ERC2: variants seen among roughly 807,000 people sequenced by gnomAD.
ERC2 encodes ERC protein 2.
Under a neutral mutation model 114.8 loss-of-function variants are expected in ERC2, and 42 were observed. The observed-to-expected ratio is 0.37, with a 90% confidence interval of 0.29 to 0.47. ERC2 has a LOEUF of 0.47. Among genes scored for constraint, ERC2 ranks in the 20% least tolerant of loss-of-function variants. ERC2 has a pLI of 0.99. For missense variants in ERC2, 939 were observed against 1,150.7 expected (o/e 0.82, Z 2.66); for synonymous variants, 454 against 425.5 (o/e 1.07, Z -0.82).
chr3:55,610,084 A>C (rs34386257), intron 17 of ERC2, among the ~76,000 whole-genome samples: 3 of 149,586 alleles, frequency 2.0e-5, no homozygotes, highest in African/African-American at 5.0e-5. Flanking sequence ...AAAAAAAAAA[A>C]CAAGAATTCC....
At chr3:55,818,187 T>G (rs1380634988) in intron 14 of ERC2, among the ~76,000 whole-genome samples, 4 of 152,128 alleles carry the variant, frequency 2.6e-5, no homozygotes, top group Non-Finnish European at 5.9e-5. Flanking sequence ...TACATTATGG[T>G]GACATTTATG....
At position 55,767,411 on chromosome 3, in the gene ERC2, G is replaced by A. The variant is rs377276243; in HGVS notation, c.2565-32493C>T. 7.2e-5 allele frequency among the ~76,000 whole-genome samples: 11 copies of A among 152,280 alleles called. No homozygotes were observed. The South Asian group carries it at 1.0e-3, about 14-fold the overall frequency. ...GCCACCTATTCAGTTTCCACTGGCC[G>A]TCTTAACTGTGGGCCCTTTGCTTTC... is the stretch of plus-strand genomic sequence containing the variant. On this transcript the variant is annotated intron_variant, in intron 14 of 17. Coordinates refer to ENST00000288221, the MANE Select transcript of ERC2 (RefSeq NM_015576.3).
chr3:55,871,855 C>T (rs566783828), intron 14 of ERC2, among the ~76,000 whole-genome samples: 1 of 152,174 alleles, frequency 6.6e-6, no homozygotes, highest in African/African-American at 2.4e-5. Flanking sequence ...TATTTGGGTG[C>T]CAGAGGGTTT....
At chr3:55,812,671 CAG>C (rs959315772) in intron 14 of ERC2, among the ~76,000 whole-genome samples, 3 of 152,182 alleles carry the variant, frequency 2.0e-5, no homozygotes, top group African/African-American at 7.2e-5. Flanking sequence ...ATTCCAAGCA[CAG>C]AGAGTTTGAC....
chr3:56,098,328 T>C (rs2149798578), intron 6 of ERC2, among the ~76,000 whole-genome samples: 1 of 152,310 alleles, frequency 6.6e-6, no homozygotes, highest in Admixed American at 6.5e-5. Flanking sequence ...GTGGTCTCAA[T>C]TTCTACTGTA....
chr3:55,818,831 T>C (rs1042414325), intron 14 of ERC2, among the ~76,000 whole-genome samples: 9 of 152,266 alleles, frequency 5.9e-5, no homozygotes, highest in Non-Finnish European at 1.3e-4. Flanking sequence ...AAACTTCTAA[T>C]GGATTCAGAG....
chr3:56,031,790 AC>A (rs2074393385), intron 7 of ERC2, among the ~76,000 whole-genome samples: 1 of 152,216 alleles, frequency 6.6e-6, no homozygotes, highest in Non-Finnish European at 1.5e-5. Flanking sequence ...ATACACAAAA[AC>A]AAGAAAAAAC....
At chr3:56,070,947 A>G (rs2076708464) in intron 7 of ERC2, among the ~76,000 whole-genome samples, 1 of 152,126 alleles carries the variant, frequency 6.6e-6, no homozygotes, top group Non-Finnish European at 1.5e-5. Flanking sequence ...TTTAGCCATT[A>G]TCTTTTCCAG....
chr3:56,098,569 C>T (rs1166260013), intron 6 of ERC2, among the ~76,000 whole-genome samples: 1 of 152,148 alleles, frequency 6.6e-6, no homozygotes, highest in Non-Finnish European at 1.5e-5. Flanking sequence ...TGAGACTGGT[C>T]ATTGGAAATG....
chr3:55,513,431 TTTACACCAG>T, intron 17 of ERC2, among the ~76,000 whole-genome samples: 1 of 152,190 alleles, frequency 6.6e-6, no homozygotes, highest in Non-Finnish European at 1.5e-5. Flanking sequence ...TCTAACATGA[TTTACACCAG>T]CTCTTTATCT....
intron 6 of ERC2, among the ~76,000 whole-genome samples, chr3:56,103,950 G>A (rs144177735): frequency 1.1e-3 from 169 of 152,298 alleles, no homozygotes; most frequent in African/African-American, 3.9e-3. Flanking sequence ...AGAAGGAATA[G>A]TTGGTAGGAA....
At chr3:55,761,693 T>G (rs1244615742) in intron 14 of ERC2, among the ~76,000 whole-genome samples, 2 of 152,082 alleles carry the variant, frequency 1.3e-5, no homozygotes, top group African/African-American at 4.8e-5. Flanking sequence ...GATTGGATCA[T>G]GAGGGACACA....
chr3:55,805,331 C>G (rs1319561092), intron 14 of ERC2, among the ~76,000 whole-genome samples: 1 of 151,976 alleles, frequency 6.6e-6, no homozygotes, highest in Non-Finnish European at 1.5e-5. Flanking sequence ...GTTTCATTTA[C>G]TGCTCTATCT....
intron 12 of ERC2, among the ~76,000 whole-genome samples, chr3:55,980,187 G>A (rs778841464): frequency 6.7e-6 from 1 of 150,178 alleles, no homozygotes; most frequent in Non-Finnish European, 1.5e-5. Flanking sequence ...TCTGGGTTCT[G>A]TTTTATTTTT....
intron 2 of ERC2, among the ~76,000 whole-genome samples, chr3:56,359,702 G>A (rs1369884403): frequency 1.3e-5 from 2 of 152,226 alleles, no homozygotes; most frequent in African/African-American, 4.8e-5. Context: ...GAAGCATGGT[G>A]CCAGCATCTG....
intron 13 of ERC2, among the ~76,000 whole-genome samples, chr3:55,935,121 CAT>C (rs2066356218): frequency 6.6e-6 from 1 of 152,164 alleles, no homozygotes; most frequent in South Asian, 2.1e-4. Flanking sequence ...TTTATAGCCA[CAT>C]GTTTTTTAGA....
intron 14 of ERC2, among the ~76,000 whole-genome samples, chr3:55,757,672 G>A (rs2067147346): frequency 6.6e-6 from 1 of 152,072 alleles, no homozygotes; most frequent in African/African-American, 2.4e-5. Context: ...CACATGGTAA[G>A]CATTCAGTAA....
chr3:56,085,120 G>A (rs1486263723), intron 6 of ERC2, among the ~76,000 whole-genome samples: 2 of 152,138 alleles, frequency 1.3e-5, no homozygotes, highest in Middle Eastern at 3.2e-3. Flanking sequence ...GCAGGAATCC[G>A]TTTTTGGTAG....
At chr3:55,983,741 C>G (rs540326446) in intron 12 of ERC2, among the ~76,000 whole-genome samples, 1 of 152,090 alleles carries the variant, frequency 6.6e-6, no homozygotes, top group Non-Finnish European at 1.5e-5. Flanking sequence ...AGACTAGATA[C>G]AATTTTTCTA....
Sources: allele counts gnomAD v4.1 joint callset (sites outside exome capture counted in the v4.1 genomes callset), GRCh38; gene constraint gnomAD v4.1.1; transcripts MANE v1.5; gene names NCBI Gene and HGNC (gene_info 2026-07-23, HGNC 2026-07-21).